Variants in GRM7 observed in about 807,000 individuals in gnomAD.
The protein encoded by GRM7 is metabotropic glutamate receptor 7.
A neutral mutation model predicts 84.5 loss-of-function variants in GRM7; 35 were observed. The ratio of observed to expected loss-of-function variants is 0.41; its 90% confidence interval spans 0.32 to 0.55. The LOEUF (loss-of-function observed/expected upper bound fraction) is 0.55. Among genes scored for constraint, GRM7 ranks in the 20% least tolerant of loss-of-function variants. The pLI, the probability that GRM7 is intolerant of heterozygous loss-of-function variation, is 0.19. For missense variants in GRM7, 1,003 were observed against 1,194.6 expected, an observed-to-expected ratio of 0.84 and a Z score of 2.36; for synonymous variants, 487 against 455.1, an observed-to-expected ratio of 1.07 and a Z score of -0.89.
At chr3:6,969,299 T>A (rs1028936874) in intron 1 of GRM7, among the ~76,000 whole-genome samples, 3 of 152,216 alleles carry the variant, frequency 2.0e-5, no homozygotes, top group Admixed American at 2.0e-4. Flanking sequence ...GTTGGTTTTT[T>A]ACATTTCAAA....
intron 2 of GRM7, among the ~76,000 whole-genome samples, chr3:7,235,421 G>A (rs1487033935): frequency 6.6e-6 from 1 of 151,944 alleles, no homozygotes; most frequent in African/African-American, 2.4e-5. Flanking sequence ...CTAGTAACTT[G>A]GCCACCACCA....
At chr3:7,619,925 A>G (rs910836093) in intron 8 of GRM7, among the ~76,000 whole-genome samples, 1 of 152,174 alleles carries the variant, frequency 6.6e-6, no homozygotes, top group South Asian at 2.1e-4. Context: ...CTGCAGTCCA[A>G]TGACGTTTTT....
intron 4 of GRM7, among the ~76,000 whole-genome samples, chr3:7,307,231 T>C (rs1048693085): frequency 2.6e-5 from 4 of 152,208 alleles, no homozygotes; most frequent in Non-Finnish European, 5.9e-5. Flanking sequence ...TGCAAAGATA[T>C]TTTGAGAGGC....
intron 5 of GRM7, among the ~76,000 whole-genome samples, chr3:7,427,876 G>T (rs1257002575): frequency 5.3e-5 from 8 of 152,174 alleles, no homozygotes; most frequent in Non-Finnish European, 1.0e-4. Flanking sequence ...ACAGGCTCAT[G>T]GTCAGTCGCT....
chr3:7,591,747 A>G (rs941113716), intron 8 of GRM7, among the ~76,000 whole-genome samples: 5 of 152,192 alleles, frequency 3.3e-5, no homozygotes, highest in African/African-American at 1.2e-4. Context: ...CAAACACTTC[A>G]TATAGATTAC....
intron 1 of GRM7, among the ~76,000 whole-genome samples, chr3:7,098,905 A>G (rs899081703): frequency 1.3e-5 from 2 of 152,036 alleles, no homozygotes; most frequent in Non-Finnish European, 1.5e-5. Context: ...TTGAGAAATA[A>G]TATATATGCA....
intron 1 of GRM7, among the ~76,000 whole-genome samples, chr3:6,914,698 G>T (rs1033360267): frequency 6.6e-6 from 1 of 152,056 alleles, no homozygotes; most frequent in Admixed American, 6.6e-5. Flanking sequence ...ACCGTGCCCG[G>T]CCCTATTTTC....
chr3:7,317,374 T>C (rs1476118480), intron 4 of GRM7, among the ~76,000 whole-genome samples: 3 of 152,092 alleles, frequency 2.0e-5, no homozygotes, highest in Non-Finnish European at 2.9e-5. Context: ...AAAGTCATAA[T>C]TATGTAGAAT....
intron 4 of GRM7, among the ~76,000 whole-genome samples, chr3:7,342,571 C>T (rs978457119): frequency 6.6e-6 from 1 of 152,170 alleles, no homozygotes; most frequent in Non-Finnish European, 1.5e-5. Context: ...AGTCTGTCTA[C>T]CCTGTACTAA....
chr3:7,486,560 C>CAG lies in GRM7; in HGVS notation c.1515+24839_1515+24840dup, dbSNP rs1699330622. Among the ~76,000 whole-genome samples the CAG allele has an allele frequency of 6.6e-6, 1 of 152,108 alleles. No individual in the cohort carries two copies. The highest frequency in any genetic ancestry group is 2.4e-5 in the African/African-American group (1 of 41,406). The stretch of plus-strand genomic sequence containing the variant: ...TTTGCCAGAAAAGTGGGGTGCTATA[C>CAG]AGCAAGTCTGCCTCACAAGTTTGTT... On this transcript the variant is annotated intron_variant, in intron 7 of 9. Transcript: ENST00000357716. The surrounding 1 kb of genome is among the most constrained non-coding windows in gnomAD (Gnocchi z 5.5).
chr3:6,913,880 G>A (rs115171764), intron 1 of GRM7, among the ~76,000 whole-genome samples: 1,659 of 152,150 alleles, frequency 0.011, 22 homozygotes, highest in African/African-American at 0.037. Flanking sequence ...CCTTCTTGGC[G>A]TGCCATGCCT....
intron 2 of GRM7, among the ~76,000 whole-genome samples, chr3:7,172,076 C>T (rs1695001448): frequency 6.6e-6 from 1 of 152,178 alleles, no homozygotes. Flanking sequence ...TCAGTGTGTT[C>T]CATTTCCATG....
intron 4 of GRM7, among the ~76,000 whole-genome samples, chr3:7,382,791 T>G (rs553802455): frequency 1.3e-5 from 2 of 152,236 alleles, no homozygotes; most frequent in Non-Finnish European, 2.9e-5. Flanking sequence ...CTTAGTTATA[T>G]TAAGGAAGCA....
chr3:7,390,592 T>A (rs1694952438), intron 4 of GRM7, among the ~76,000 whole-genome samples: 1 of 152,172 alleles, frequency 6.6e-6, no homozygotes. Flanking sequence ...TGGGTTGATT[T>A]GAAAGACTGG....
intron 6 of GRM7, among the ~76,000 whole-genome samples, chr3:7,458,178 C>T (rs1304540862): frequency 6.6e-6 from 1 of 152,164 alleles, no homozygotes; most frequent in African/African-American, 2.4e-5. Context: ...CTCAGATACT[C>T]TCATCCAGTA....
chr3:7,420,025 G>A (rs985342969), intron 5 of GRM7, among the ~76,000 whole-genome samples: 1 of 152,106 alleles, frequency 6.6e-6, no homozygotes, highest in Non-Finnish European at 1.5e-5. Context: ...GAATTCTTAA[G>A]CTGTGTTTTT....
At chr3:7,298,069 A>G (rs184506107) in intron 2 of GRM7, among the ~76,000 whole-genome samples, 7 of 152,318 alleles carry the variant, frequency 4.6e-5, no homozygotes, top group African/African-American at 1.7e-4. Context: ...AAGATTTTTG[A>G]GAAGACTAAA....
intron 2 of GRM7, among the ~76,000 whole-genome samples, chr3:7,261,249 G>C (rs1418898520): frequency 2.0e-5 from 3 of 152,126 alleles, no homozygotes; most frequent in Non-Finnish European, 4.4e-5. Flanking sequence ...AAAACAGCTT[G>C]CATTAAACCT....
chr3:7,448,533 A>G (rs532911788), intron 5 of GRM7, among the ~76,000 whole-genome samples: 1 of 152,310 alleles, frequency 6.6e-6, no homozygotes, highest in South Asian at 2.1e-4. Context: ...GAGGAGGAGT[A>G]GGGATGGTAT....
Sources: allele counts gnomAD v4.1 joint callset (sites outside exome capture counted in the v4.1 genomes callset), GRCh38; gene constraint gnomAD v4.1.1; non-coding constraint Gnocchi (gnomAD v3.1); transcripts MANE v1.5; gene names NCBI Gene and HGNC (gene_info 2026-07-23, HGNC 2026-07-21).